The following RNF225 variants were observed in gnomAD, a reference collection of about 807,000 sequenced individuals.
The protein encoded by RNF225 is ring finger protein 225.
For missense variants in RNF225, 510 were observed against 509.8 expected (o/e 1.00, Z 0.00); for synonymous variants, 295 against 260.4 (o/e 1.13, Z -1.28).
Position 58,396,700 on chromosome 19 carries a change from T to C in RNF225, c.611T>C (p.Leu204Pro). 6.7e-7 allele frequency: 1 copy of C among 1,495,586 alleles called. No individual in the cohort carries two copies. Among genetic ancestry groups the C allele is most frequent in the Non-Finnish European group, 8.8e-7 (1 of 1,130,276 alleles). 92.6% of individuals were successfully genotyped at this position (1,495,586 alleles called of 1,614,324 possible). A position where few individuals can be genotyped will look rare whatever the true frequency, so the allele number is the denominator to read the frequency against. Reference protein sequence around the residue: ...PAWVFNAAVALAVLVAAGLVV... With the variant: ...PAWVFNAAVAPAVLVAAGLVV... ...TGGGTCTTCAACGCTGCCGTGGCGC[T>C]GGCGGTGCTGGTGGCCGCGGGCCTC... The change falls in exon 1 of 1, where the codon CTG becomes CCG. Residue 204 changes from leucine to proline, a missense_variant. Coordinates refer to ENST00000601382, the MANE Select transcript of RNF225 (RefSeq NM_001195135.2).
chr19:58,396,463 C>T lies in RNF225; in HGVS notation c.374C>T (p.Ala125Val). The change falls in exon 1 of 1, where the codon GCG becomes GTG. Residue 125 changes from alanine (A) to valine (V), a missense_variant. By Grantham distance (64) the Ala-to-Val change is moderately conservative. Coordinates refer to ENST00000601382, the MANE Select transcript of RNF225 (RefSeq NM_001195135.2). ...CTGGCCCCCCGCCGCGGACTCCCCGCGTTGCCCACGCAGTCCGGTCTCCTG... is the reference window on the plus strand; with the variant it reads ...CTGGCCCCCCGCCGCGGACTCCCCGTGTTGCCCACGCAGTCCGGTCTCCTG... The part of the protein sequence containing the change: ...TRLAPRRGLP[A>V]LPTQSGLLPR... The T allele has an allele frequency of 7.1e-7, 1 of 1,416,406 alleles. No individual in the cohort carries two copies. Among genetic ancestry groups the T allele is most frequent in the Non-Finnish European group, 9.1e-7 (1 of 1,093,998 alleles). 87.7% of individuals were successfully genotyped at this position (1,416,406 alleles called of 1,614,324 possible). A position where few individuals can be genotyped will look rare whatever the true frequency, so the allele number is the denominator to read the frequency against.
At position 58,396,197 on chromosome 19, in the gene RNF225, A is replaced by T; in HGVS notation, c.108A>T (p.Glu36Asp). 6.5e-7 allele frequency: 1 copy of T among 1,543,544 alleles called. No individual in the cohort carries two copies. Among genetic ancestry groups the T allele is most frequent in the Non-Finnish European group, 8.7e-7 (1 of 1,151,646 alleles). The change falls in exon 1 of 1, where the codon GAA becomes GAT. Residue 36 changes from glutamate to aspartate, a missense_variant. Coordinates refer to ENST00000601382, the MANE Select transcript of RNF225 (RefSeq NM_001195135.2). Reference sequence around the variant, plus strand: ...CGCCCCGCTCCCCAAGCAGAGGGGAAGACCAGGAGGAGGAGGAGGAGGAGG... The same window carrying T: ...CGCCCCGCTCCCCAAGCAGAGGGGATGACCAGGAGGAGGAGGAGGAGGAGG... ...LSAPRSPSRG[E>D]DQEEEEEEEG...
In RNF225 at chr19:58,396,797, C is replaced by T. The variant is rs575996922; in HGVS notation, c.708C>T (p.Leu236=). 8.6e-6 allele frequency: 13 copies of T among 1,519,868 alleles called. No individual in the cohort carries two copies. The highest frequency in any genetic ancestry group is 7.2e-5 in the African/African-American group (5 of 69,718). The allele number at this position is 1,519,868 out of a possible 1,614,324, so 94.1% of individuals were successfully genotyped here. The part of the protein sequence containing the change: ...ATSSGPPRPQ[L]VALAPAPGFS... ...CCTCCGGCCCCCCGCGGCCCCAGCT[C>T]GTGGCGCTCGCTCCAGCGCCTGGCT... The change falls in exon 1 of 1, where the codon CTC becomes CTT. Residue 236 remains leucine, a synonymous_variant. Transcript: ENST00000601382.
At position 58,397,006 on chromosome 19, in the gene RNF225, C is replaced by T. The variant is rs1182055453; in HGVS notation, c.917C>T (p.Thr306Met). 20 of 1,533,800 alleles carry T rather than the reference C, an allele frequency of 1.3e-5. No individual in the cohort carries two copies. The highest frequency in any genetic ancestry group is 2.0e-5 in the Admixed American group (1 of 50,916). ...ACGCTGGACAGGCGATCGGATGGCA[C>T]GTGGGGCACAGAGGCTGGCCCCGGC... ...ERTLDRRSDG[T>M]WGTEAGPGWA... The change falls in exon 1 of 1, where the codon ACG (threonine) becomes ATG (methionine). Residue 306 changes from threonine to methionine, a missense_variant. By Grantham distance (81) the Thr-to-Met change is moderately conservative (BLOSUM62 -1). Coordinates refer to ENST00000601382, the MANE Select transcript of RNF225 (RefSeq NM_001195135.2).
At position 58,396,409 on chromosome 19, in the gene RNF225, C is replaced by T. The variant is rs1391935370; in HGVS notation, c.320C>T (p.Ala107Val). The change falls in exon 1 of 1, where the codon GCC (alanine) becomes GTC (valine). Residue 107 changes from alanine to valine, a missense_variant. By Grantham distance (64) the Ala-to-Val change is moderately conservative (BLOSUM62 0). Coordinates refer to ENST00000601382, the MANE Select transcript of RNF225 (RefSeq NM_001195135.2). ...ACGGCGGGCGGCGGCAACGCGGTGG[C>T]CTGTCCGGTGTGCCGCGCGCCCACG... is the stretch of plus-strand genomic sequence containing the variant. ...LATAGGGNAV[A>V]CPVCRAPTRL... The T allele has an allele frequency of 6.5e-7, 1 of 1,528,818 alleles. No homozygotes were observed. 94.7% of individuals were successfully genotyped at this position (1,528,818 alleles called of 1,614,324 possible).
rs764418108 is a variant in RNF225, at chr19:58,396,744, ATCT to A, written c.661_663del (p.Phe221del). The A allele has an allele frequency of 1.4e-4, 214 of 1,509,342 alleles. No individual in the cohort carries two copies. In the African/African-American group the frequency reaches 2.6e-3, roughly 18 times the overall value. 93.5% of individuals were successfully genotyped at this position (1,509,342 alleles called of 1,614,324 possible). A position where few individuals can be genotyped will look rare whatever the true frequency, so the allele number is the denominator to read the frequency against. ...GGGCCTCGTGGTCTCGGGCGTCTAC[ATCT>A]TCTTCCTCATCCCGCACGCCACCTC... is the stretch of plus-strand genomic sequence containing the variant. On this transcript the variant is annotated inframe_deletion, in exon 1 of 1. Coordinates refer to ENST00000601382, the MANE Select transcript of RNF225 (RefSeq NM_001195135.2).
At position 58,395,867 on chromosome 19, in the gene RNF225, C is replaced by CCG; in HGVS notation, c.-222_-221dup. Among the ~76,000 whole-genome samples the CCG allele has an allele frequency of 6.6e-6, 1 of 152,156 alleles. No individual in the cohort carries two copies. Among genetic ancestry groups the CCG allele is most frequent in the Non-Finnish European group, 1.5e-5 (1 of 67,988 alleles). ...CGTTTCCAATTCAGGAACTGGTACC[C>CCG]CGTGGGTCCATTCCTATCCCCAGTC... On this transcript the variant is annotated 5_prime_UTR_variant, in exon 1 of 1. Transcript: ENST00000601382.
At position 58,395,916 on chromosome 19, in the gene RNF225, C is replaced by A. The variant is rs2052394512; in HGVS notation, c.-174C>A. On this transcript the variant is annotated 5_prime_UTR_variant, in exon 1 of 1. Coordinates refer to ENST00000601382, the MANE Select transcript of RNF225 (RefSeq NM_001195135.2). The stretch of plus-strand genomic sequence containing the variant: ...TCTCCGCCTCGGGCCTCCCCATCTC[C>A]CCTGCTCCTCGACGCTAGCTACACC... 6.6e-6 allele frequency among the ~76,000 whole-genome samples: 1 copy of A among 152,170 alleles called. No homozygotes were observed. Among genetic ancestry groups the A allele is most frequent in the Non-Finnish European group, 1.5e-5 (1 of 68,004 alleles).
In RNF225 at chr19:58,395,854, A is replaced by G. The variant is rs1025991452; in HGVS notation, c.-236A>G. ...CGGTCTGTCTCTCCGTTTCCAATTC[A>G]GGAACTGGTACCCCGTGGGTCCATT... is the stretch of plus-strand genomic sequence containing the variant. On this transcript the variant is annotated 5_prime_UTR_variant, in exon 1 of 1. Coordinates refer to ENST00000601382, the MANE Select transcript of RNF225 (RefSeq NM_001195135.2). 6.6e-6 allele frequency among the ~76,000 whole-genome samples: 1 copy of G among 151,288 alleles called. No homozygotes were observed. The highest frequency in any genetic ancestry group is 1.5e-5 in the Non-Finnish European group (1 of 67,964).
Position 58,396,790 on chromosome 19 carries a change from C to T in RNF225, c.701C>T (p.Pro234Leu), listed in dbSNP as rs1452734277. 9 of 1,519,238 alleles carry T rather than the reference C, an allele frequency of 5.9e-6. No homozygotes were observed. The highest frequency in any genetic ancestry group is 7.9e-6 in the Non-Finnish European group (9 of 1,140,762). 94.1% of individuals were successfully genotyped at this position (1,519,238 alleles called of 1,614,324 possible). A position where few individuals can be genotyped will look rare whatever the true frequency, so the allele number is the denominator to read the frequency against. Residue 234 changes from proline to leucine, a missense_variant, in exon 1 of 1, where the codon CCC becomes CTC. Pro to Leu is a moderately conservative substitution (Grantham distance 98). Transcript: ENST00000601382. ...PHATSSGPPR[P>L]QLVALAPAPG... The stretch of plus-strand genomic sequence containing the variant: ...GCCACCTCCTCCGGCCCCCCGCGGC[C>T]CCAGCTCGTGGCGCTCGCTCCAGCG...
Position 58,396,442 on chromosome 19 carries a change from C to A in RNF225, c.353C>A (p.Ala118Asp), listed in dbSNP as rs1356822137. The A allele has an allele frequency of 1.4e-6, 2 of 1,426,052 alleles. No homozygotes were observed. The highest frequency in any genetic ancestry group is 1.5e-5 in the South Asian group (1 of 67,834). The allele number at this position is 1,426,052 out of a possible 1,614,324, so 88.3% of individuals were successfully genotyped here. A position where few individuals can be genotyped will look rare whatever the true frequency, so the allele number is the denominator to read the frequency against. The change falls in exon 1 of 1, where the codon GCC becomes GAC. Residue 118 changes from alanine to aspartate, a missense_variant. By Grantham distance (126) the Ala-to-Asp change is moderately radical. Transcript: ENST00000601382. ...CPVCRAPTRL[A>D]PRRGLPALPT... is the part of the protein sequence containing the mutation. ...GTGTGCCGCGCGCCCACGCGCCTGG[C>A]CCCCCGCCGCGGACTCCCCGCGTTG... is the stretch of plus-strand genomic sequence containing the variant.
rs1232352458 is a variant in RNF225, at chr19:58,396,207, G to A, written c.118G>A (p.Glu40Lys). 4.5e-6 allele frequency: 7 copies of A among 1,541,492 alleles called. No individual in the cohort carries two copies. Among genetic ancestry groups the A allele is most frequent in the Non-Finnish European group, 6.1e-6 (7 of 1,150,074 alleles). ...RSPSRGEDQEEEEEEEGDGSP... is the reference protein window; with the variant it reads ...RSPSRGEDQEKEEEEEGDGSP... ...CCCAAGCAGAGGGGAAGACCAGGAG[G>A]AGGAGGAGGAGGAGGAAGGGGACGG... The change falls in exon 1 of 1, where the codon GAG (glutamate) becomes AAG (lysine). Residue 40 changes from glutamate (E) to lysine (K), a missense_variant. Coordinates refer to ENST00000601382, the MANE Select transcript of RNF225 (RefSeq NM_001195135.2).
rs1328461542 is a variant in RNF225, at chr19:58,397,021, CTGGCCCCGGCTGGGCCCCG to C, written c.938_956del (p.Pro313HisfsTer?). The stretch of plus-strand genomic sequence containing the variant: ...TCGGATGGCACGTGGGGCACAGAGG[CTGGCCCCGGCTGGGCCCCG>C]TGGCCACGGGGCGCGAGGAGGCTGT... On this transcript the variant is annotated frameshift_variant, in exon 1 of 1. Coordinates refer to ENST00000601382, the MANE Select transcript of RNF225 (RefSeq NM_001195135.2). LOFTEE classifies it low-confidence loss of function (END_TRUNC). 1 of 1,532,536 alleles carries C rather than the reference CTGGCCCCGGCTGGGCCCCG, an allele frequency of 6.5e-7. No homozygotes were observed. Among genetic ancestry groups the C allele is most frequent in the Admixed American group, 2.0e-5 (1 of 50,742 alleles). The allele number at this position is 1,532,536 out of a possible 1,614,324, so 94.9% of individuals were successfully genotyped here. A position where few individuals can be genotyped will look rare whatever the true frequency, so the allele number is the denominator to read the frequency against.
At position 58,396,067 on chromosome 19, in the gene RNF225, CCT is replaced by C. The variant is rs1312343177; in HGVS notation, c.-19_-18del. The C allele has an allele frequency of 1.3e-6, 2 of 1,485,472 alleles. No homozygotes were observed. The highest frequency in any genetic ancestry group is 1.8e-6 in the Non-Finnish European group (2 of 1,126,736). The allele number at this position is 1,485,472 out of a possible 1,614,324, so 92.0% of individuals were successfully genotyped here. A position where few individuals can be genotyped will look rare whatever the true frequency, so the allele number is the denominator to read the frequency against. ...CACCGCCTCCTTCCCTGCCTGACCT[CCT>C]CTCCTCCCAGGTCCATCCGGATGCC... On this transcript the variant is annotated 5_prime_UTR_variant, in exon 1 of 1. Transcript: ENST00000601382.
chr19:58,396,608 G>T lies in RNF225; in HGVS notation c.519G>T (p.Pro173=). 8.5e-7 allele frequency: 1 copy of T among 1,180,720 alleles called. No homozygotes were observed. The highest frequency in any genetic ancestry group is 1.6e-5 in the African/African-American group (1 of 61,526). 73.1% of individuals were successfully genotyped at this position (1,180,720 alleles called of 1,614,324 possible). A position where few individuals can be genotyped will look rare whatever the true frequency, so the allele number is the denominator to read the frequency against. Residue 173 remains proline, a synonymous_variant, in exon 1 of 1, where the codon CCG becomes CCT. Coordinates refer to ENST00000601382, the MANE Select transcript of RNF225 (RefSeq NM_001195135.2). The part of the protein sequence containing the change: ...PPPGPRKARA[P]PPPPPLRLGR... ...CCGGGCCGCGCAAGGCCCGCGCCCC[G>T]CCGCCCCCGCCGCCTCTGCGCCTGG...
rs1282771330 is a variant in RNF225, at chr19:58,396,138, G to A, written c.49G>A (p.Gly17Ser). 5 of 1,533,050 alleles carry A rather than the reference G, an allele frequency of 3.3e-6. No individual in the cohort carries two copies. The highest frequency in any genetic ancestry group is 4.4e-6 in the Non-Finnish European group (5 of 1,145,954). The allele number at this position is 1,533,050 out of a possible 1,614,324, so 95.0% of individuals were successfully genotyped here. Residue 17 changes from glycine (G) to serine (S), a missense_variant, in exon 1 of 1, where the codon GGC becomes AGC. Transcript: ENST00000601382. ...GCTCCGCCATTCCCGGGCCCCCCAG[G>A]GCTCGGGTCCCAGCTCCCCAGGCTC... ...FWLRHSRAPQ[G>S]SGPSSPGSLS...
rs541993348 is a variant in RNF225, at chr19:58,396,157, C to G, written c.68C>G (p.Pro23Arg). 67 of 1,534,702 alleles carry G rather than the reference C, an allele frequency of 4.4e-5. No homozygotes were observed. Among genetic ancestry groups the G allele is most frequent in the Non-Finnish European group, 5.1e-5 (58 of 1,146,766 alleles). ...RAPQGSGPSS[P>R]GSLSAPRSPS... is the part of the protein sequence containing the mutation. Reference sequence around the variant, plus strand: ...CCCCAGGGCTCGGGTCCCAGCTCCCCAGGCTCGCTCTCTGCGCCCCGCTCC... The same window carrying G: ...CCCCAGGGCTCGGGTCCCAGCTCCCGAGGCTCGCTCTCTGCGCCCCGCTCC... Residue 23 changes from proline (P) to arginine (R), a missense_variant, in exon 1 of 1, where the codon CCA (proline) becomes CGA (arginine). Pro to Arg is a moderately radical substitution (Grantham distance 103, BLOSUM62 -2). Coordinates refer to ENST00000601382, the MANE Select transcript of RNF225 (RefSeq NM_001195135.2).
At position 58,396,857 on chromosome 19, in the gene RNF225, G is replaced by A; in HGVS notation, c.768G>A (p.Ser256=). ...SWFPPRPPPG[S]PWAPAWTPRP... ...TTCCGCCGAGGCCCCCGCCGGGGTCGCCCTGGGCCCCCGCCTGGACGCCGC... is the reference window on the plus strand; with the variant it reads ...TTCCGCCGAGGCCCCCGCCGGGGTCACCCTGGGCCCCCGCCTGGACGCCGC... Residue 256 remains serine, a synonymous_variant, in exon 1 of 1, where the codon TCG becomes TCA. Transcript: ENST00000601382. The A allele has an allele frequency of 6.6e-7, 1 of 1,520,352 alleles. No individual in the cohort carries two copies. The highest frequency in any genetic ancestry group is 8.8e-7 in the Non-Finnish European group (1 of 1,141,210). 94.2% of individuals were successfully genotyped at this position (1,520,352 alleles called of 1,614,324 possible).
rs763063066 is a variant in RNF225 at position 58,396,292 on chromosome 19, TGTCGTCCTTC to T, written c.205_214del (p.Ser69ThrfsTer?). The T allele has an allele frequency of 3.9e-6, 6 of 1,535,922 alleles. No homozygotes were observed. The highest frequency in any genetic ancestry group is 8.7e-7 in the Non-Finnish European group (1 of 1,146,854). On this transcript the variant is annotated frameshift_variant, in exon 1 of 1. Transcript: ENST00000601382. LOFTEE classifies it low-confidence loss of function (END_TRUNC). ...TCCCCGGTGGAGTGCCTCATCTGCG[TGTCGTCCTTC>T]GACGGCGTGTTCAAGCTGCCCAAGC...
Sources: gnomAD v4.1 joint callset for allele counts (sites outside exome capture counted in the v4.1 genomes callset) on GRCh38, gnomAD v4.1.1 for gene constraint, MANE v1.5 for transcripts, NCBI Gene and HGNC (gene_info 2026-07-23, HGNC 2026-07-21) for gene names.